The following RELL1 variants were observed in gnomAD, a reference collection of about 807,000 sequenced individuals.
RELL1 encodes RELT-like protein 1.
In RELL1, 10 loss-of-function variants were observed where a neutral mutation model predicts 23.0. The observed-to-expected ratio is 0.43, with a 90% CI of 0.27 to 0.74. RELL1 has a LOEUF of 0.74. RELL1 is among the 30% of genes least tolerant of loss of function. The pLI, the probability that RELL1 is intolerant of heterozygous loss-of-function variation, is 0.19. For missense variants in RELL1, 315 were observed against 364.4 expected, an observed-to-expected ratio of 0.86 and a Z score of 1.10; for synonymous variants, 146 against 146.8, an observed-to-expected ratio of 0.99 and a Z score of 0.04.
chr4:37,601,249 A>C (rs1012772673), intron 6 of RELL1, among the ~76,000 whole-genome samples: 1 of 152,166 alleles, frequency 6.6e-6, no homozygotes, highest in African/African-American at 2.4e-5. Context: ...AACATCAAAA[A>C]CTAACTCTCA....
At chr4:37,605,813 A>AAGAAAGAG (rs1719186301), downstream of RELL1, among the ~76,000 whole-genome samples, 1 of 119,906 alleles carries the variant, frequency 8.3e-6, no homozygotes. Context: ...GAAAGAAAGA[A>AAGAAAGAG]AGAAAGAAAG....
chr4:37,669,470 C>T (rs1488235136), intron 1 of RELL1, among the ~76,000 whole-genome samples: 8 of 151,672 alleles, frequency 5.3e-5, no homozygotes, highest in East Asian at 2.0e-4. Flanking sequence ...CGCCTCTGCC[C>T]GGCCACCCCT....
chr4:37,594,424 T>C (rs2939742), intron 6 of RELL1, among the ~76,000 whole-genome samples: 93,744 of 152,122 alleles, frequency 0.62, 30,818 homozygotes, highest in Non-Finnish European at 0.74. Context: ...AGGGGCAGAC[T>C]TCACAGTTCC....
chr4:37,609,874 G>A (rs778344070), downstream of RELL1, among the ~76,000 whole-genome samples: 5 of 152,168 alleles, frequency 3.3e-5, no homozygotes, highest in Non-Finnish European at 7.3e-5. Flanking sequence ...TTCCTGAGAT[G>A]GCATCTACTC....
At chr4:37,637,736 A>G (rs1355170135) in intron 4 of RELL1, among the ~76,000 whole-genome samples, 2 of 152,174 alleles carry the variant, frequency 1.3e-5, no homozygotes, top group Non-Finnish European at 2.9e-5. Flanking sequence ...CATCCAATAA[A>G]TGCTCCTTGT....
chr4:37,649,806 AAC>A (rs1720840082), intron 1 of RELL1, among the ~76,000 whole-genome samples: 1 of 152,254 alleles, frequency 6.6e-6, no homozygotes. Context: ...GCACAGAGTA[AAC>A]ACATAAACAT....
chr4:37,598,652 C>A (rs1240090052), intron 6 of RELL1, among the ~76,000 whole-genome samples: 3 of 151,948 alleles, frequency 2.0e-5, no homozygotes, highest in African/African-American at 7.3e-5. Flanking sequence ...CAGACAGTGG[C>A]AGAATCTCAA....
chr4:37,630,367 T>TTG (rs1553873312), intron 6 of RELL1, among the ~76,000 whole-genome samples: 43 of 116,450 alleles, frequency 3.7e-4, no homozygotes, highest in Non-Finnish European at 6.4e-4. Flanking sequence ...TTTTTTTTTT[T>TTG]TTTTTTTTTT....
At chr4:37,645,412 A>T (rs888379675) in intron 3 of RELL1, among the ~76,000 whole-genome samples, 6 of 152,240 alleles carry the variant, frequency 3.9e-5, no homozygotes, top group African/African-American at 1.2e-4. Flanking sequence ...CATATAAAAG[A>T]AACATCCATG....
intron 1 of RELL1, among the ~76,000 whole-genome samples, chr4:37,652,361 A>T (rs1720977535): frequency 6.6e-6 from 1 of 152,240 alleles, no homozygotes; most frequent in South Asian, 2.1e-4. Context: ...TAATAAATAC[A>T]TCCCTAAATA....
At chr4:37,590,835 T>C (rs1444353566) in exon 7 of RELL1, 2 of 1,614,100 alleles carry the variant, frequency 1.2e-6, no homozygotes, top group Non-Finnish European at 1.7e-6. Context: ...AGAAGGGTCC[T>C]GTTCATGCCA....
chr4:37,589,861 A>C (rs1718508820), downstream of RELL1, among the ~76,000 whole-genome samples: 1 of 152,302 alleles, frequency 6.6e-6, no homozygotes, highest in East Asian at 1.9e-4. Flanking sequence ...CGAACTCCTG[A>C]CCTCAAGTGA....
chr4:37,684,449 C>T (rs1223498615), intron 1 of RELL1, among the ~76,000 whole-genome samples: 1 of 152,130 alleles, frequency 6.6e-6, no homozygotes, highest in Non-Finnish European at 1.5e-5. Context: ...ACCAAACACA[C>T]ACCCACTCTA....
intron 6 of RELL1, among the ~76,000 whole-genome samples, chr4:37,621,681 GT>G (rs1553872911): frequency 2.0e-5 from 3 of 152,124 alleles, no homozygotes; most frequent in Non-Finnish European, 4.4e-5. Context: ...TGTCAAACAG[GT>G]GATAGGGATA....
intron 1 of RELL1, among the ~76,000 whole-genome samples, chr4:37,668,485 C>T (rs1459745793): frequency 5.9e-5 from 9 of 152,016 alleles, no homozygotes; most frequent in Non-Finnish European, 1.3e-4. Context: ...CCCGAGGTGC[C>T]GGGATTGCAG....
chr4:37,651,054 T>A (rs1257594542), intron 1 of RELL1, among the ~76,000 whole-genome samples: 1 of 84,322 alleles, frequency 1.2e-5, no homozygotes, highest in African/African-American at 4.3e-5. Context: ...AGCAAGACTG[T>A]CTCAAAAAAA....
At chr4:37,613,969 C>G (rs150191069) in intron 6 of RELL1, among the ~76,000 whole-genome samples, 332 of 152,292 alleles carry the variant, frequency 2.2e-3, no homozygotes, top group African/African-American at 7.8e-3. Flanking sequence ...CAGGACAGGA[C>G]TAAAATTATA....
intron 6 of RELL1, 145 bp downstream of exon 6, chr4:37,631,240 C>A: frequency 1.1e-6 from 1 of 876,178 alleles, no homozygotes; most frequent in South Asian, 1.8e-5. Flanking sequence ...TGTTCAGTCC[C>A]CCTCAGTCTT....
downstream of RELL1, among the ~76,000 whole-genome samples, chr4:37,607,126 A>G (rs1233344799): frequency 6.6e-6 from 1 of 152,234 alleles, no homozygotes; most frequent in Non-Finnish European, 1.5e-5. Flanking sequence ...TGTCAAGATC[A>G]CGAAACACAA....
Sources: allele counts gnomAD v4.1 joint callset (sites outside exome capture counted in the v4.1 genomes callset), GRCh38; gene constraint gnomAD v4.1.1; transcripts MANE v1.5; gene names NCBI Gene and HGNC (gene_info 2026-07-23, HGNC 2026-07-21).